The following UPP2 variants were observed in gnomAD, a reference collection of about 807,000 sequenced individuals.
UPP2 encodes UPase 2.
Under a neutral mutation model 26.7 loss-of-function variants are expected in UPP2, and 23 were observed. That is an observed-to-expected ratio of 0.86 (90% confidence interval 0.62 to 1.22). The LOEUF (loss-of-function observed/expected upper bound fraction) is 1.22, where lower values mean the gene tolerates loss of function less well. UPP2 is among the 50% of genes most tolerant of loss of function. The pLI, the probability that UPP2 is intolerant of heterozygous loss-of-function variation, is 0.00. For missense variants in UPP2, 387 were observed against 396.7 expected (o/e 0.98, Z 0.21); for synonymous variants, 127 against 141.3 (o/e 0.90, Z 0.72).
intron 2 of UPP2, among the ~76,000 whole-genome samples, chr2:158,009,129 T>C (rs1219730282): frequency 6.6e-6 from 1 of 152,200 alleles, no homozygotes; most frequent in African/African-American, 2.4e-5. Context: ...CAGTACCCTT[T>C]AATTTTGGAT....
At chr2:158,096,167 C>T (rs1266129503) in intron 3 of UPP2, among the ~76,000 whole-genome samples, 4 of 152,146 alleles carry the variant, frequency 2.6e-5, no homozygotes, top group Admixed American at 6.5e-5. Flanking sequence ...AGTGAATTTA[C>T]GCTTTGGTCA....
chr2:158,063,606 T>C (rs1558918901), intron 3 of UPP2, among the ~76,000 whole-genome samples: 1 of 152,088 alleles, frequency 6.6e-6, no homozygotes. Flanking sequence ...CTTTTCTTTT[T>C]TTTTTTTATA....
rs138850522 is a variant in UPP2 at position 158,084,205 on chromosome 2, G to A, written c.148-17835G>A. On this transcript the variant is annotated intron_variant, in intron 3 of 9. Transcript: ENST00000605860. ...TTATTTTTTAATTATGGCCATTCTTGCAGGAGTAAGCTCATATTGTGTTGT... is the reference window on the plus strand; with the variant it reads ...TTATTTTTTAATTATGGCCATTCTTACAGGAGTAAGCTCATATTGTGTTGT... Among the ~76,000 whole-genome samples, 1,448 of 151,930 alleles carry A rather than the reference G, an allele frequency of 9.5e-3. 13 individuals carry two copies. Among genetic ancestry groups the A allele is most frequent in the Non-Finnish European group, 0.016 (1,115 of 67,914 alleles).
intron 2 of UPP2, among the ~76,000 whole-genome samples, chr2:157,998,658 T>C (rs1252456776): frequency 3.3e-5 from 5 of 151,892 alleles, no homozygotes; most frequent in Admixed American, 6.6e-5. Context: ...AAAAATTAGC[T>C]GGGTGTGGTG....
At chr2:158,118,957 A>G (rs1683500981) in intron 4 of UPP2, among the ~76,000 whole-genome samples, 1 of 152,018 alleles carries the variant, frequency 6.6e-6, no homozygotes, top group Admixed American at 6.5e-5. Context: ...CATCTGGGAG[A>G]AAGTAGGACC....
chr2:158,034,779 G>C (rs906666902), intron 3 of UPP2, among the ~76,000 whole-genome samples: 2 of 152,220 alleles, frequency 1.3e-5, no homozygotes, highest in African/African-American at 4.8e-5. Context: ...CTTTATCTCA[G>C]GGGCAGCTTG....
In UPP2 at chr2:157,997,910, A is replaced by G. The variant is rs1683347175; in HGVS notation, c.61+2651A>G. 4.6e-5 allele frequency among the ~76,000 whole-genome samples: 7 copies of G among 152,358 alleles called. No homozygotes were observed. The South Asian group carries it at 1.4e-3, about 32-fold the overall frequency. Reference sequence around the variant, plus strand: ...GTATGTTGTAGGTGGATAAGTACACACAATGACCTGGGAAAAATTAACTTG... The same window carrying G: ...GTATGTTGTAGGTGGATAAGTACACGCAATGACCTGGGAAAAATTAACTTG... On this transcript the variant is annotated intron_variant, in intron 2 of 9. Transcript: ENST00000605860.
chr2:158,093,023 T>C (rs1490120202), intron 3 of UPP2, among the ~76,000 whole-genome samples: 1 of 152,060 alleles, frequency 6.6e-6, no homozygotes, highest in Non-Finnish European at 1.5e-5. Flanking sequence ...CGGGTTCAAG[T>C]GATTCTCGTG....
chr2:158,028,369 A>G (rs948815083), intron 3 of UPP2, among the ~76,000 whole-genome samples: 2 of 152,160 alleles, frequency 1.3e-5, no homozygotes, highest in African/African-American at 4.8e-5. Flanking sequence ...AATGCTGCCA[A>G]TCTCTTTGCT....
At chr2:158,061,775 T>C (rs928310543) in intron 3 of UPP2, among the ~76,000 whole-genome samples, 18 of 152,266 alleles carry the variant, frequency 1.2e-4, no homozygotes, top group African/African-American at 4.3e-4. Flanking sequence ...TGTGCAGGTT[T>C]GTGGTCTGGC....
intron 2 of UPP2, among the ~76,000 whole-genome samples, chr2:157,998,248 C>G (rs1188428680): frequency 6.6e-6 from 1 of 152,090 alleles, no homozygotes; most frequent in Non-Finnish European, 1.5e-5. Context: ...AGGCTTAGGA[C>G]ATAAGGTTGA....
At chr2:157,998,467 T>C (rs1683356824) in intron 2 of UPP2, among the ~76,000 whole-genome samples, 1 of 152,212 alleles carries the variant, frequency 6.6e-6, no homozygotes, top group Non-Finnish European at 1.5e-5. Flanking sequence ...CTGATTTGAT[T>C]ATGATGTGCC....
At chr2:158,107,153 T>A (rs1234846137) in intron 2 of UPP2, among the ~76,000 whole-genome samples, 2 of 152,254 alleles carry the variant, frequency 1.3e-5, no homozygotes, top group Non-Finnish European at 2.9e-5. Context: ...TTAGGGTGAT[T>A]CACAGAAATG....
intron 5 of UPP2, among the ~76,000 whole-genome samples, chr2:158,122,476 G>T (rs1472022477): frequency 1.3e-5 from 2 of 152,002 alleles, no homozygotes; most frequent in African/African-American, 4.8e-5. Context: ...GGCTGTTGGG[G>T]TCCAATAGGG....
At chr2:158,060,993 A>G (rs559205456) in intron 3 of UPP2, among the ~76,000 whole-genome samples, 1 of 152,366 alleles carries the variant, frequency 6.6e-6, no homozygotes, top group South Asian at 2.1e-4. Flanking sequence ...GCATGTCCTT[A>G]CAACTATCCA....
At chr2:158,072,324 C>A (rs1378853768) in intron 3 of UPP2, among the ~76,000 whole-genome samples, 2 of 152,122 alleles carry the variant, frequency 1.3e-5, no homozygotes, top group African/African-American at 2.4e-5. Context: ...AATAAAACAT[C>A]AGGTAGATTT....
At chr2:158,125,216 C>T (rs1683667155) in intron 6 of UPP2, among the ~76,000 whole-genome samples, 1 of 151,200 alleles carries the variant, frequency 6.6e-6, no homozygotes. Context: ...AAAACTTGTC[C>T]TTATAGTCAA....
chr2:158,013,674 G>A (rs1370219145), intron 2 of UPP2, among the ~76,000 whole-genome samples: 4 of 152,218 alleles, frequency 2.6e-5, no homozygotes, highest in Non-Finnish European at 4.4e-5. Flanking sequence ...TTCCTGCGTG[G>A]CAACAGGCAC....
intron 2 of UPP2, among the ~76,000 whole-genome samples, chr2:158,108,377 G>A (rs1403653794): frequency 1.3e-5 from 2 of 152,108 alleles, no homozygotes; most frequent in African/African-American, 4.8e-5. Flanking sequence ...TCAAATAGCT[G>A]AGATTAAACC....
Sources: gnomAD v4.1 joint callset for allele counts (sites outside exome capture counted in the v4.1 genomes callset) on GRCh38, gnomAD v4.1.1 for gene constraint, MANE v1.5 for transcripts, NCBI Gene and HGNC (gene_info 2026-07-23, HGNC 2026-07-21) for gene names.